STX8: variants seen among roughly 807,000 people sequenced by gnomAD.
STX8 encodes syntaxin-8.
A neutral mutation model predicts 37.5 loss-of-function variants in STX8; 23 were observed. The observed-to-expected ratio is 0.61, with a 90% CI of 0.44 to 0.87. The LOEUF (loss-of-function observed/expected upper bound fraction) is 0.87. STX8 is among the 40% of genes least tolerant of loss of function. The pLI is 0.00. For synonymous variants in STX8, 115 were observed against 99.1 expected (o/e 1.16, Z -0.95); for missense variants, 313 against 284.7 (o/e 1.10, Z -0.71).
chr17:9,369,973 G>T (rs371766252), intron 7 of STX8, among the ~76,000 whole-genome samples: 113 of 151,832 alleles, frequency 7.4e-4, no homozygotes, highest in African/African-American at 2.6e-3. Context: ...CCAACACTTT[G>T]GGAGGCTGAG....
At chr17:9,326,833 C>T (rs1597606111) in intron 7 of STX8, among the ~76,000 whole-genome samples, 1 of 152,186 alleles carries the variant, frequency 6.6e-6, no homozygotes, top group East Asian at 1.9e-4. Context: ...TTTATTTAAT[C>T]AGTGTTTTAC....
chr17:9,258,502 A>C (rs1024896679), intron 7 of STX8, among the ~76,000 whole-genome samples: 2 of 152,240 alleles, frequency 1.3e-5, no homozygotes, highest in African/African-American at 4.8e-5. Context: ...GTGTGACACT[A>C]GCAGCCTTCC....
At chr17:9,285,072 G>A (rs1314985711) in intron 7 of STX8, among the ~76,000 whole-genome samples, 1 of 152,130 alleles carries the variant, frequency 6.6e-6, no homozygotes, top group Non-Finnish European at 1.5e-5. Context: ...CAGCGGTTCC[G>A]GGAGAGGGCC....
chr17:9,575,660 A>T (rs1907881313), intron 1 of STX8, 132 bp downstream of exon 1: 3 of 1,142,804 alleles, frequency 2.6e-6, no homozygotes, highest in Non-Finnish European at 3.7e-6. Context: ...CCCTCAGTAA[A>T]GGAAAGGTCT....
intron 7 of STX8, among the ~76,000 whole-genome samples, chr17:9,346,861 C>T (rs1910552122): frequency 6.6e-6 from 1 of 151,912 alleles, no homozygotes; most frequent in Admixed American, 6.6e-5. Flanking sequence ...GGCACGGTGG[C>T]TCCCACCTGT....
In STX8 at chr17:9,274,744, C is replaced by CTTTTTTTTTTTTTTTTTTT. The variant is rs201550065; in HGVS notation, c.644-24100_644-24099insAAAAAAAAAAAAAAAAAAA. 2.3e-5 allele frequency among the ~76,000 whole-genome samples: 2 copies of CTTTTTTTTTTTTTTTTTTT among 88,884 alleles called. 1 individual carries two copies. Among genetic ancestry groups the CTTTTTTTTTTTTTTTTTTT allele is most frequent in the Non-Finnish European group, 4.5e-5 (2 of 44,070 alleles). The allele number at this position is 88,884 out of a possible 152,430, so 58.3% of individuals were successfully genotyped here. A position where few individuals can be genotyped will look rare whatever the true frequency, so the allele number is the denominator to read the frequency against. ...AAAGTCTTCAAAAATACAACAATTTCTTTTTTCTTTTTTTTTTTTTTTTTT... is the reference window on the plus strand; with the variant it reads ...AAAGTCTTCAAAAATACAACAATTTCTTTTTTTTTTTTTTTTTTTTTTTTTCTTTTTTTTTTTTTTTTTT... On this transcript the variant is annotated intron_variant, in intron 7 of 7. Transcript: ENST00000306357.
At chr17:9,496,722 A>G (rs75131029) in intron 5 of STX8, among the ~76,000 whole-genome samples, 2,124 of 152,328 alleles carry the variant, frequency 0.014, 17 homozygotes, top group South Asian at 0.028. Context: ...CAGTATAATC[A>G]TATGAGTCCT....
chr17:9,416,211 A>G (rs1367326031), intron 6 of STX8, among the ~76,000 whole-genome samples: 3 of 152,178 alleles, frequency 2.0e-5, no homozygotes, highest in African/African-American at 7.2e-5. Flanking sequence ...AGAGATCCCA[A>G]CTTAATTGGA....
At chr17:9,561,752 G>T (rs934505582) in intron 2 of STX8, among the ~76,000 whole-genome samples, 9 of 150,464 alleles carry the variant, frequency 6.0e-5, no homozygotes, top group African/African-American at 2.2e-4. Context: ...TTTTTACCTA[G>T]TAGAGATTTT....
intron 6 of STX8, among the ~76,000 whole-genome samples, chr17:9,432,566 T>TTA (rs1914020250): frequency 6.6e-6 from 1 of 152,132 alleles, no homozygotes; most frequent in African/African-American, 2.4e-5. Context: ...AAATAAAAGA[T>TTA]GAGGAAGCAA....
intron 7 of STX8, among the ~76,000 whole-genome samples, chr17:9,300,830 C>CTTTTTTTTTTTTTTTTT (rs1164799565): frequency 4.4e-5 from 4 of 90,904 alleles, no homozygotes; most frequent in South Asian, 4.1e-4. Context: ...TTATTTTGTT[C>CTTTTTTTTTTTTTTTTT]TTTTTTTTTT....
chr17:9,352,126 T>G (rs2142246726), intron 7 of STX8, among the ~76,000 whole-genome samples: 1 of 147,712 alleles, frequency 6.8e-6, no homozygotes, highest in South Asian at 2.2e-4. Context: ...CACTCCAGCC[T>G]GGGTGACAGA....
At chr17:9,330,690 C>T (rs1909935506) in intron 7 of STX8, among the ~76,000 whole-genome samples, 1 of 152,200 alleles carries the variant, frequency 6.6e-6, no homozygotes, top group African/African-American at 2.4e-5. Context: ...GGCAGAGCCT[C>T]GTTCGCACTC....
chr17:9,407,501 A>C (rs562650403), intron 6 of STX8, among the ~76,000 whole-genome samples: 14 of 147,824 alleles, frequency 9.5e-5, no homozygotes, highest in Non-Finnish European at 2.0e-4. Context: ...TTCTGAGCCA[A>C]ATATGAGTGA....
chr17:9,486,452 A>G (rs1906601232), intron 6 of STX8, among the ~76,000 whole-genome samples: 1 of 152,348 alleles, frequency 6.6e-6, no homozygotes, highest in South Asian at 2.1e-4. Context: ...TCGTGCCTCT[A>G]TGATTCTTTG....
intron 4 of STX8, among the ~76,000 whole-genome samples, chr17:9,532,468 G>A (rs1049383975): frequency 2.0e-5 from 3 of 152,058 alleles, no homozygotes; most frequent in Non-Finnish European, 4.4e-5. Flanking sequence ...CCTTGGATAC[G>A]TGTAGAATCC....
intron 6 of STX8, among the ~76,000 whole-genome samples, 184 bp downstream of exon 6, chr17:9,491,645 T>C (rs1490781434): frequency 6.6e-6 from 1 of 152,226 alleles, no homozygotes; most frequent in Non-Finnish European, 1.5e-5. Flanking sequence ...CAAATTTCTT[T>C]GCATAGTATT....
At chr17:9,252,057 C>T (rs1906602302) in intron 7 of STX8, among the ~76,000 whole-genome samples, 1 of 151,968 alleles carries the variant, frequency 6.6e-6, no homozygotes, top group African/African-American at 2.4e-5. Context: ...GTAATCCCAG[C>T]ACTTTGGGAG....
intron 7 of STX8, among the ~76,000 whole-genome samples, chr17:9,339,551 G>A (rs1305219808): frequency 3.3e-5 from 5 of 152,176 alleles, no homozygotes; most frequent in Non-Finnish European, 7.3e-5. Context: ...CTACTTGGGA[G>A]GCTGAGGCAG....
Sources: allele counts gnomAD v4.1 joint callset (sites outside exome capture counted in the v4.1 genomes callset), GRCh38; gene constraint gnomAD v4.1.1; transcripts MANE v1.5; gene names NCBI Gene and HGNC (gene_info 2026-07-23, HGNC 2026-07-21).